HAO2: variants seen among roughly 807,000 people sequenced by gnomAD.
HAO2 encodes the protein hydroxyacid oxidase 2, also known as 2-Hydroxyacid oxidase 2.
Under a neutral mutation model 37.4 loss-of-function variants are expected in HAO2, and 42 were observed. The observed-to-expected ratio is 1.12, with a 90% confidence interval of 0.88 to 1.45. HAO2 has a LOEUF of 1.45. Ranked by LOEUF, HAO2 falls within the 40% of genes most tolerant of loss-of-function variation. HAO2 has a pLI of 0.00. For missense variants in HAO2, 476 were observed against 430.2 expected, an observed-to-expected ratio of 1.11 and a Z score of -0.94; for synonymous variants, 180 against 162.8, an observed-to-expected ratio of 1.11 and a Z score of -0.81.
At chr1:119,369,234 A>G (rs587738269) in intron 1 of HAO2, among the ~76,000 whole-genome samples, 1 of 152,350 alleles carries the variant, frequency 6.6e-6, no homozygotes, top group East Asian at 1.9e-4. Context: ...AGGTATTGCT[A>G]TTGCCTTCAG....
chr1:119,381,325 G>T (rs1009030562), intron 2 of HAO2, 109 bp downstream of exon 2: 10 of 789,854 alleles, frequency 1.3e-5, no homozygotes, highest in East Asian at 2.5e-5. Flanking sequence ...GATCACTCAA[G>T]ACCTAATAAT....
rs758142359 is a variant in HAO2 at position 119,392,265 on chromosome 1, C to T, written c.927C>T (p.Cys309=). 4.4e-6 allele frequency: 7 copies of T among 1,608,512 alleles called. No individual in the cohort carries two copies. Among genetic ancestry groups the T allele is most frequent in the Non-Finnish European group, 5.1e-6 (6 of 1,177,206 alleles). The change falls in exon 6 of 8, where the codon TGC becomes TGT. Residue 309 remains cysteine (C), a synonymous_variant. Coordinates refer to ENST00000325945, the MANE Select transcript of HAO2 (RefSeq NM_016527.4). ...GACCAATCCTATGGGGCCTTGCCTG[C>T]AAGGTGAGAGTGGCAAAGCAAACCA... The part of the protein sequence containing the change: ...LGRPILWGLA[C]KGEHGVKEVL...
chr1:119,387,527 T>C (rs960348946), intron 5 of HAO2, among the ~76,000 whole-genome samples: 7 of 152,186 alleles, frequency 4.6e-5, no homozygotes. Context: ...AAAACATACA[T>C]AAGCAAAAGA....
intron 1 of HAO2, among the ~76,000 whole-genome samples, chr1:119,374,457 T>C (rs981200730): frequency 6.6e-6 from 1 of 152,228 alleles, no homozygotes; most frequent in African/African-American, 2.4e-5. Context: ...TTGAACAGTC[T>C]AATCTCTCAA....
chr1:119,392,219 C>A lies in HAO2; in HGVS notation c.881C>A (p.Ala294Asp), dbSNP rs979420148. 6.2e-7 allele frequency: 1 copy of A among 1,613,332 alleles called. No homozygotes were observed. The highest frequency in any genetic ancestry group is 2.2e-5 in the East Asian group (1 of 44,822). The change falls in exon 6 of 8, where the codon GCT becomes GAT. Residue 294 changes from alanine (A) to aspartate (D), a missense_variant. Physicochemically the swap from Ala to Asp is moderately radical, Grantham distance 126. Coordinates refer to ENST00000325945, the MANE Select transcript of HAO2 (RefSeq NM_016527.4). ...NDVLKALALG[A>D]KCIFLGRPIL... Reference sequence around the variant, plus strand: ...GTGCTGAAGGCTCTGGCCCTTGGAGCTAAGTGCATTTTTCTTGGGAGACCA... The same window carrying A: ...GTGCTGAAGGCTCTGGCCCTTGGAGATAAGTGCATTTTTCTTGGGAGACCA...
chr1:119,375,747 A>T (rs886484712), intron 1 of HAO2, among the ~76,000 whole-genome samples: 6 of 152,194 alleles, frequency 3.9e-5, no homozygotes, highest in African/African-American at 9.7e-5. Context: ...GCAAAGGAGG[A>T]GCAAAGGCAA....
chr1:119,379,713 C>T (rs1271615107), intron 1 of HAO2, among the ~76,000 whole-genome samples: 3 of 152,152 alleles, frequency 2.0e-5, no homozygotes, highest in Non-Finnish European at 2.9e-5. Flanking sequence ...TCGTAGCCTC[C>T]ATCTAGAGCC....
intron 1 of HAO2, among the ~76,000 whole-genome samples, chr1:119,369,175 G>T (rs1446858314): frequency 6.6e-6 from 1 of 152,086 alleles, no homozygotes; most frequent in African/African-American, 2.4e-5. Flanking sequence ...TCCATAGGAG[G>T]AAAAATGGGT....
chr1:119,385,093 A>C (rs747923599), intron 4 of HAO2, 40 bp downstream of exon 4: 3 of 1,585,112 alleles, frequency 1.9e-6, no homozygotes, highest in Admixed American at 1.7e-5. Context: ...GCATTACAAG[A>C]GGCAAATTTC....
chr1:119,372,827 T>A (rs982336292), intron 1 of HAO2, among the ~76,000 whole-genome samples: 1 of 152,184 alleles, frequency 6.6e-6, no homozygotes, highest in Non-Finnish European at 1.5e-5. Flanking sequence ...ATTGTGCTGG[T>A]TCCCTGTTCT....
intron 1 of HAO2, among the ~76,000 whole-genome samples, chr1:119,372,940 C>T (rs934113659): frequency 6.6e-6 from 1 of 152,218 alleles, no homozygotes; most frequent in Non-Finnish European, 1.5e-5. Flanking sequence ...AATATGAGTA[C>T]TTGAAGGACC....
In HAO2 at chr1:119,386,717, C is replaced by T; in HGVS notation, c.657C>T (p.Ile219=). ...SWFQSITRLP[I]ILKGILTKED... ...TTCAGAGCATAACTCGATTGCCCAT[C>T]ATCCTGAAAGGGATTTTGACAAAAG... The change falls in exon 5 of 8, where the codon ATC becomes ATT. Residue 219 remains isoleucine (I), a synonymous_variant. Transcript: ENST00000325945. The T allele has an allele frequency of 6.2e-7, 1 of 1,612,878 alleles. No individual in the cohort carries two copies. Among genetic ancestry groups the T allele is most frequent in the Non-Finnish European group, 8.5e-7 (1 of 1,178,872 alleles).
At chr1:119,377,250 AAG>A (rs1267528310) in intron 1 of HAO2, among the ~76,000 whole-genome samples, 1 of 152,176 alleles carries the variant, frequency 6.6e-6, no homozygotes, top group Non-Finnish European at 1.5e-5. Flanking sequence ...CTCAAGTTCA[AAG>A]TTCCACAGAT....
In HAO2 at chr1:119,382,926, G is replaced by A. The variant is rs149393348; in HGVS notation, c.143G>A (p.Arg48His). 7.4e-5 allele frequency: 120 copies of A among 1,613,576 alleles called. 1 individual carries two copies. Among genetic ancestry groups the A allele is most frequent in the East Asian group, 4.7e-4 (21 of 44,812 alleles). ...NIAAFKRIRL[R>H]PRYLRDVSEV... is the part of the protein sequence containing the mutation. ...GTTGTCCGGCACAGAATTCGCCTCC[G>A]TCCGCGGTACCTGAGAGATGTGTCT... Residue 48 changes from arginine (R) to histidine (H), a missense_variant, in exon 3 of 8, where the codon CGT becomes CAT. By Grantham distance (29) the Arg-to-His change is conservative. Coordinates refer to ENST00000325945, the MANE Select transcript of HAO2 (RefSeq NM_016527.4).
chr1:119,383,077 T>C lies in HAO2; in HGVS notation c.283+11T>C, dbSNP rs1423527738. On this transcript the variant is annotated intron_variant, in intron 3 of 7. Coordinates refer to ENST00000325945, the MANE Select transcript of HAO2 (RefSeq NM_016527.4). ...TGAGCACAGCAAGAGGTATGAACCA[T>C]CCCCACCTCGAGGCTCCTTTCCGGG... 6.2e-7 allele frequency: 1 copy of C among 1,603,626 alleles called. No homozygotes were observed. Among genetic ancestry groups the C allele is most frequent in the Non-Finnish European group, 8.5e-7 (1 of 1,173,822 alleles).
intron 2 of HAO2, among the ~76,000 whole-genome samples, chr1:119,382,223 A>T (rs892908111): frequency 3.9e-5 from 6 of 152,196 alleles, no homozygotes; most frequent in Non-Finnish European, 8.8e-5. Context: ...ACCTTACTCA[A>T]ATTTGCACAA....
chr1:119,380,888 G>A (rs755927783), intron 1 of HAO2, among the ~76,000 whole-genome samples, 190 bp from the exon 2 acceptor site: 4 of 152,286 alleles, frequency 2.6e-5, no homozygotes, highest in South Asian at 2.1e-4. Flanking sequence ...GAGAATGGAA[G>A]GGTGGACGAT....
Position 119,393,895 on chromosome 1 carries a change from T to C in HAO2, c.*55T>C. ...GGTTGCCCACAGGAGGATCACAAAC[T>C]CACAGCACAGTGTGTGATGCTGTCC... is the stretch of plus-strand genomic sequence containing the variant. On this transcript the variant is annotated 3_prime_UTR_variant, in exon 8 of 8. Transcript: ENST00000325945. 1 of 1,611,180 alleles carries C rather than the reference T, an allele frequency of 6.2e-7. No homozygotes were observed.
rs202247481 is a variant in HAO2, at chr1:119,385,040, A to G, written c.548A>G (p.Gln183Arg). Residue 183 changes from glutamine (Q) to arginine (R), a missense_variant, in exon 4 of 8, where the codon CAA becomes CGA. Coordinates refer to ENST00000325945, the MANE Select transcript of HAO2 (RefSeq NM_016527.4). ...AGGAACTTAACACTAACAGATCTTC[A>G]ATCACCTAAAAAGGTAAGAAAGATA... is the stretch of plus-strand genomic sequence containing the variant. The part of the protein sequence containing the change: ...LRRNLTLTDL[Q>R]SPKKGNAIPY... 595 of 1,611,806 alleles carry G rather than the reference A, an allele frequency of 3.7e-4. No individual in the cohort carries two copies. The highest frequency in any genetic ancestry group is 1.7e-4 in the Middle Eastern group (1 of 6,052).
Sources: allele counts gnomAD v4.1 joint callset (sites outside exome capture counted in the v4.1 genomes callset), GRCh38; gene constraint gnomAD v4.1.1; transcripts MANE v1.5; gene names NCBI Gene and HGNC (gene_info 2026-07-23, HGNC 2026-07-21).